The following PCDH9 variants were observed in gnomAD, a reference collection of about 807,000 sequenced individuals.
PCDH9 encodes the protein protocadherin 9.
Under a neutral mutation model 70.6 loss-of-function variants are expected in PCDH9, and 24 were observed. The observed-to-expected ratio is 0.34, with a 90% CI of 0.25 to 0.48. The LOEUF is 0.48. PCDH9 is among the 20% of genes least tolerant of loss of function. The pLI is 0.99. For missense variants in PCDH9, 1,281 were observed against 1,503.6 expected (o/e 0.85, Z 2.45); for synonymous variants, 562 against 558.5 (o/e 1.01, Z -0.09).
Position 66,544,306 on chromosome 13 carries a change from C to G in PCDH9, c.3340+86904G>C, listed in dbSNP as rs79064280. 7.1e-3 allele frequency among the ~76,000 whole-genome samples: 1,082 copies of G among 152,238 alleles called. 13 individuals carry two copies. Among genetic ancestry groups the G allele is most frequent in the African/African-American group, 0.025 (1,025 of 41,544 alleles). ...TGAAAATGTACACTGACAATGTTGA[C>G]TAAGGACATGCCTGACTCTTATATG... On this transcript the variant is annotated intron_variant, in intron 4 of 4. Coordinates refer to ENST00000377865, the MANE Select transcript of PCDH9 (RefSeq NM_203487.3).
At chr13:66,921,226 A>G (rs2082631971) in intron 2 of PCDH9, among the ~76,000 whole-genome samples, 1 of 151,242 alleles carries the variant, frequency 6.6e-6, no homozygotes, top group Non-Finnish European at 1.5e-5. Context: ...GATAATTGGT[A>G]TACTGTCAAA....
chr13:67,041,872 A>G (rs1174612659), intron 2 of PCDH9, among the ~76,000 whole-genome samples: 7 of 151,658 alleles, frequency 4.6e-5, no homozygotes, highest in Non-Finnish European at 8.8e-5. Flanking sequence ...TGGCTATCCC[A>G]TGTATTCCCT....
intron 2 of PCDH9, among the ~76,000 whole-genome samples, chr13:67,021,555 T>C (rs2084671966): frequency 1.3e-5 from 2 of 152,210 alleles, no homozygotes; most frequent in African/African-American, 4.8e-5. Flanking sequence ...TCATGAAGGA[T>C]GATGGTGTAA....
Position 66,374,261 on chromosome 13 carries a change from T to C in PCDH9, c.3341-69233A>G, listed in dbSNP as rs78486373. 5.0e-3 allele frequency among the ~76,000 whole-genome samples: 763 copies of C among 152,170 alleles called. 23 individuals are homozygous for C. In the East Asian group the frequency reaches 0.075, roughly 15 times the overall value. On this transcript the variant is annotated intron_variant, in intron 4 of 4. Coordinates refer to ENST00000377865, the MANE Select transcript of PCDH9 (RefSeq NM_203487.3). ...TTTTCTCCTTGCTGCATGCTATTAT[T>C]AAGTGTTGATCTTTCAGGTAAGTTC...
intron 4 of PCDH9, among the ~76,000 whole-genome samples, chr13:66,629,656 T>C (rs112463035): frequency 0.012 from 1,881 of 152,314 alleles, 38 homozygotes; most frequent in African/African-American, 0.042. Context: ...ACTTATGTTT[T>C]CTTTATGTGA....
At chr13:66,352,009 T>C (rs1956300392) in intron 4 of PCDH9, among the ~76,000 whole-genome samples, 1 of 152,096 alleles carries the variant, frequency 6.6e-6, no homozygotes, top group African/African-American at 2.4e-5. Flanking sequence ...CTGATTTTTG[T>C]ACTTTTAGTA....
At position 66,735,586 on chromosome 13, in the gene PCDH9, A is replaced by T. The variant is rs868188159; in HGVS notation, c.3139-104175T>A. On this transcript the variant is annotated intron_variant, in intron 3 of 4. Coordinates refer to ENST00000377865, the MANE Select transcript of PCDH9 (RefSeq NM_203487.3). ...ACTGTGTTTTAAAAAAAAGCAACAA[A>T]ATTAGAGTCAGAATTTCATGAAACA... is the stretch of plus-strand genomic sequence containing the variant. Among the ~76,000 whole-genome samples the T allele has an allele frequency of 5.3e-4, 80 of 152,300 alleles. 1 individual carries two copies. Among genetic ancestry groups the T allele is most frequent in the African/African-American group, 1.9e-3 (78 of 41,564 alleles).
intron 4 of PCDH9, among the ~76,000 whole-genome samples, chr13:66,375,072 C>G (rs1257534573): frequency 1.3e-5 from 2 of 152,074 alleles, no homozygotes; most frequent in Non-Finnish European, 2.9e-5. Context: ...ATGATTAACT[C>G]TACTTAAAAT....
intron 4 of PCDH9, among the ~76,000 whole-genome samples, chr13:66,625,995 T>G (rs1207757613): frequency 6.6e-6 from 1 of 152,144 alleles, no homozygotes; most frequent in Non-Finnish European, 1.5e-5. Context: ...ATTGATTAGA[T>G]GAGGATGAGA....
chr13:67,014,853 G>C (rs1015335083), intron 2 of PCDH9, among the ~76,000 whole-genome samples: 2 of 151,926 alleles, frequency 1.3e-5, no homozygotes, highest in Non-Finnish European at 2.9e-5. Flanking sequence ...TTTGAGCCTT[G>C]CTCCTCTGCA....
intron 3 of PCDH9, among the ~76,000 whole-genome samples, chr13:66,812,168 C>T (rs987223774): frequency 7.2e-5 from 11 of 152,094 alleles, no homozygotes; most frequent in East Asian, 5.8e-4. Flanking sequence ...TATTTTCTTA[C>T]GTGCAGAACT....
At chr13:66,906,904 A>AG (rs1187849671) in intron 2 of PCDH9, among the ~76,000 whole-genome samples, 1 of 152,192 alleles carries the variant, frequency 6.6e-6, no homozygotes, top group East Asian at 1.9e-4. Flanking sequence ...TTCTAAAAAA[A>AG]GATTTATTTT....
chr13:66,956,753 A>AAGG, intron 2 of PCDH9, among the ~76,000 whole-genome samples: 1 of 152,146 alleles, frequency 6.6e-6, no homozygotes, highest in East Asian at 1.9e-4. Flanking sequence ...CCATCTCAAA[A>AAGG]ACAAACAAAC....
At chr13:67,088,707 T>A (rs938413729) in intron 2 of PCDH9, among the ~76,000 whole-genome samples, 5 of 152,066 alleles carry the variant, frequency 3.3e-5, no homozygotes, top group African/African-American at 1.2e-4. Context: ...TAATATAACA[T>A]CAGGCTCCAG....
chr13:66,682,826 G>A (rs760968022), intron 3 of PCDH9, among the ~76,000 whole-genome samples: 8 of 152,022 alleles, frequency 5.3e-5, no homozygotes, highest in Non-Finnish European at 1.2e-4. Flanking sequence ...AAAGCTATTG[G>A]TGGCATTAGG....
At chr13:67,040,572 T>A (rs765680930) in intron 2 of PCDH9, among the ~76,000 whole-genome samples, 1 of 152,082 alleles carries the variant, frequency 6.6e-6, no homozygotes, top group Non-Finnish European at 1.5e-5. Context: ...GCTGACACCA[T>A]CCTCCCAGAC....
chr13:66,574,915 G>A (rs894595753), intron 4 of PCDH9, among the ~76,000 whole-genome samples: 4 of 152,274 alleles, frequency 2.6e-5, no homozygotes, highest in African/African-American at 9.6e-5. Context: ...GCTCATGCCT[G>A]TAATCCCAGC....
intron 3 of PCDH9, among the ~76,000 whole-genome samples, chr13:66,902,720 T>A (rs2082296145): frequency 6.6e-6 from 1 of 151,762 alleles, no homozygotes; most frequent in African/African-American, 2.4e-5. Context: ...CTTCTTCCAT[T>A]TCACAACAAT....
Position 67,122,531 on chromosome 13 carries a change from T to G in PCDH9, c.3036+102874A>C, listed in dbSNP as rs146741560. On this transcript the variant is annotated intron_variant, in intron 2 of 4. Coordinates refer to ENST00000377865, the MANE Select transcript of PCDH9 (RefSeq NM_203487.3). ...GGCTCACACCTGCAATCCCAGCACT[T>G]TGGGAGGTCGAGGTGGGCGGATGAC... is the stretch of plus-strand genomic sequence containing the variant. Among the ~76,000 whole-genome samples, 36 of 151,774 alleles carry G rather than the reference T, an allele frequency of 2.4e-4. No individual in the cohort carries two copies. The East Asian group carries it at 5.8e-3, about 25-fold the overall frequency.
Sources: gnomAD v4.1 joint callset for allele counts (sites outside exome capture counted in the v4.1 genomes callset) on GRCh38, gnomAD v4.1.1 for gene constraint, MANE v1.5 for transcripts, NCBI Gene and HGNC (gene_info 2026-07-23, HGNC 2026-07-21) for gene names.